The following RSF1 variants were observed in gnomAD, a reference collection of about 807,000 sequenced individuals.
RSF1 encodes remodeling and spacing factor 1, also known as HBV pX-associated protein 8.
In RSF1, 13 loss-of-function variants were observed where a neutral mutation model predicts 145.2. The ratio of observed to expected loss-of-function variants is 0.09; its 90% CI spans 0.06 to 0.14. The LOEUF (loss-of-function observed/expected upper bound fraction) is 0.14. Among genes scored for constraint, RSF1 ranks in the 10% least tolerant of loss-of-function variants. The pLI is 1.00. For missense variants in RSF1, 1,517 were observed against 1,718.2 expected, an observed-to-expected ratio of 0.88 and a Z score of 2.07; for synonymous variants, 577 against 592.6, an observed-to-expected ratio of 0.97 and a Z score of 0.38.
chr11:77,720,954 A>T (rs1960928046), intron 5 of RSF1, among the ~76,000 whole-genome samples: 1 of 152,214 alleles, frequency 6.6e-6, no homozygotes, highest in African/African-American at 2.4e-5. Context: ...TTTCTAGGCC[A>T]CTTATTGCCA....
Position 77,725,605 on chromosome 11 carries a change from G to A in RSF1, c.673C>T (p.Arg225Trp), listed in dbSNP as rs773402875. 8.1e-6 allele frequency: 13 copies of A among 1,609,946 alleles called. No individual in the cohort carries two copies. The highest frequency in any genetic ancestry group is 1.7e-5 in the Admixed American group (1 of 59,498). Reference protein sequence around the residue: ...KNSSQQDNSSRESPSLEDEET... With the variant: ...KNSSQQDNSSWESPSLEDEET... The stretch of plus-strand genomic sequence containing the variant: ...TCATCCTCTAAGCTGGGACTTTCCC[G>A]AGAAGAGTTGTCTTGTTGGCTAGAG... Residue 225 changes from arginine to tryptophan, a missense_variant, in exon 5 of 16, where the codon CGG becomes TGG. Physicochemically the swap from Arg to Trp is moderately radical, Grantham distance 101. Coordinates refer to ENST00000308488, the MANE Select transcript of RSF1 (RefSeq NM_016578.4).
chr11:77,676,945 A>C lies in RSF1; in HGVS notation c.3188T>G (p.Ile1063Ser). The C allele has an allele frequency of 6.2e-7, 1 of 1,613,790 alleles. No individual in the cohort carries two copies. The highest frequency in any genetic ancestry group is 1.1e-5 in the South Asian group (1 of 91,072). The change falls in exon 13 of 16, where the codon ATC becomes AGC. Residue 1063 changes from isoleucine (I) to serine (S), a missense_variant. Physicochemically the swap from Ile to Ser is moderately radical, Grantham distance 142 (BLOSUM62 -2). Coordinates refer to ENST00000308488, the MANE Select transcript of RSF1 (RefSeq NM_016578.4). ...TCTTTCTTCATCCAAAATAGTAGAGATGTCTTTCCCACGATGACCTGTGAT... is the reference window on the plus strand; with the variant it reads ...TCTTTCTTCATCCAAAATAGTAGAGCTGTCTTTCCCACGATGACCTGTGAT... Reference protein sequence around the residue: ...STITGHRGKDISTILDEERKE... With the variant: ...STITGHRGKDSSTILDEERKE...
chr11:77,786,086 T>C (rs1467503489), intron 1 of RSF1, among the ~76,000 whole-genome samples: 1 of 152,132 alleles, frequency 6.6e-6, no homozygotes, highest in Non-Finnish European at 1.5e-5. Flanking sequence ...AGGAGGATAT[T>C]ACTGTCTCCA....
At chr11:77,762,027 C>CTTTTTTCTTTTTTTTTTTTTTTTTTTT (rs1554994584) in intron 2 of RSF1, 2 of 58,748 alleles carry the variant, frequency 3.4e-5, no homozygotes, top group African/African-American at 1.6e-4. Flanking sequence ...CTTTTCTTTT[C>CTTTTTTCTTTTTTTTTTTTTTTTTTTT]TTTTTTTTTT....
chr11:77,669,707 T>C (rs1377572256), intron 15 of RSF1, among the ~76,000 whole-genome samples: 1 of 152,240 alleles, frequency 6.6e-6, no homozygotes, highest in Non-Finnish European at 1.5e-5. Flanking sequence ...CTATTTATCA[T>C]CAGAGGTTAG....
At chr11:77,741,912 A>T (rs1458541665) in intron 3 of RSF1, among the ~76,000 whole-genome samples, 1 of 152,136 alleles carries the variant, frequency 6.6e-6, no homozygotes, top group Non-Finnish European at 1.5e-5. Context: ...TGACTCTTTT[A>T]GATTCCACAT....
upstream of RSF1, chr11:77,821,258 A>G: frequency 4.4e-6 from 1 of 229,322 alleles, no homozygotes; most frequent in Non-Finnish European, 8.4e-6. Flanking sequence ...TTGCGGGGGA[A>G]TCCTGAAACT....
At chr11:77,700,609 G>A in intron 6 of RSF1, 112 bp downstream of exon 6, 1 of 716,616 alleles carries the variant, frequency 1.4e-6, no homozygotes, top group South Asian at 2.2e-5. Flanking sequence ...CTCAGACAGA[G>A]GAAGAAAGAT....
chr11:77,840,080 T>C, the RSF1 span, among the ~76,000 whole-genome samples: 1 of 131,640 alleles, frequency 7.6e-6, no homozygotes, highest in East Asian at 2.2e-4. Context: ...TATTAGAGTA[T>C]GGAGAGGGGG....
chr11:77,811,446 GCATAAAATCTACAAA>G (rs1277684903), intron 1 of RSF1, among the ~76,000 whole-genome samples: 1 of 152,178 alleles, frequency 6.6e-6, no homozygotes, highest in African/African-American at 2.4e-5. Context: ...GAGTACTGTG[GCATAAAATCTACAAA>G]GTGTACGTGC....
rs1340352101 is a variant in RSF1 at position 77,664,236 on chromosome 11, CTAA to C, written c.*2678_*2680del. ...ATTTAATAATCAATAATCTATCTGC[CTAA>C]TAATGTTTTATCAACCGCTTGGATT... On this transcript the variant is annotated 3_prime_UTR_variant, in exon 16 of 16. Transcript: ENST00000308488. 6.6e-6 allele frequency: 1 copy of C among 152,164 alleles called. No individual in the cohort carries two copies. The highest frequency in any genetic ancestry group is 1.5e-5 in the Non-Finnish European group (1 of 68,022). The allele number at this position is 152,164 out of a possible 1,614,324, so 9.4% of individuals were successfully genotyped here.
At chr11:77,744,496 G>C (rs906662005) in intron 3 of RSF1, among the ~76,000 whole-genome samples, 4 of 152,028 alleles carry the variant, frequency 2.6e-5, no homozygotes, top group African/African-American at 4.8e-5. Context: ...ACAGAGAAGT[G>C]ATCTCGCTAT....
In RSF1 at chr11:77,668,255, G is replaced by A. The variant is rs112379948; in HGVS notation, c.3752-764C>T. On this transcript the variant is annotated intron_variant, in intron 15 of 15. Transcript: ENST00000308488. The stretch of plus-strand genomic sequence containing the variant: ...GGCCTCAAGTGATCTGCCCATCTTG[G>A]CCTCCCAAAGTGCTGGGATTATAGG... 5.1e-3 allele frequency among the ~76,000 whole-genome samples: 772 copies of A among 152,332 alleles called. 8 individuals are homozygous for A. Among genetic ancestry groups the A allele is most frequent in the African/African-American group, 0.018 (736 of 41,574 alleles).
intron 2 of RSF1, among the ~76,000 whole-genome samples, chr11:77,756,501 C>A (rs900478128): frequency 1.3e-5 from 2 of 151,962 alleles, no homozygotes; most frequent in African/African-American, 4.8e-5. Context: ...TTCAGTAATT[C>A]CACAAACATT....
At chr11:77,828,527 C>T in the RSF1 span, among the ~76,000 whole-genome samples, 9 of 151,080 alleles carry the variant, frequency 6.0e-5, no homozygotes, top group Admixed American at 4.6e-4. Flanking sequence ...CAAAATTAGC[C>T]GGGTGGGGTA....
chr11:77,847,918 G>T, the RSF1 span, among the ~76,000 whole-genome samples: 1 of 152,110 alleles, frequency 6.6e-6, no homozygotes, highest in Non-Finnish European at 1.5e-5. Context: ...AAGAGCAGAA[G>T]AAATTGAGAT....
chr11:77,719,636 A>C (rs1284501427), intron 5 of RSF1, among the ~76,000 whole-genome samples: 5 of 152,204 alleles, frequency 3.3e-5, no homozygotes, highest in Admixed American at 2.6e-4. Flanking sequence ...GTTCCCTCAA[A>C]AATTTGTATA....
chr11:77,852,339 T>C, the RSF1 span, among the ~76,000 whole-genome samples: 84 of 152,284 alleles, frequency 5.5e-4, no homozygotes, highest in African/African-American at 1.9e-3. Context: ...ATTTGGTTTA[T>C]TTGTTTCTGT....
At chr11:77,685,660 T>C (rs1015509525) in intron 9 of RSF1, among the ~76,000 whole-genome samples, 1 of 152,170 alleles carries the variant, frequency 6.6e-6, no homozygotes, top group African/African-American at 2.4e-5. Flanking sequence ...CAACATTTCC[T>C]AGGGTTAAGA....
Sources: allele counts gnomAD v4.1 joint callset (sites outside exome capture counted in the v4.1 genomes callset), GRCh38; gene constraint gnomAD v4.1.1; transcripts MANE v1.5; gene names NCBI Gene and HGNC (gene_info 2026-07-23, HGNC 2026-07-21).